Variants in GABRG3 observed in about 807,000 individuals in gnomAD.
GABRG3 encodes gamma-aminobutyric acid receptor subunit gamma-3.
Under a neutral mutation model 48.8 loss-of-function variants are expected in GABRG3, and 25 were observed. The observed-to-expected ratio is 0.51, with a 90% CI of 0.37 to 0.72. GABRG3 has a LOEUF of 0.72. GABRG3 is among the 30% of genes least tolerant of loss of function. The pLI, the probability that GABRG3 is intolerant of heterozygous loss-of-function variation, is 0.00. For synonymous variants in GABRG3, 227 were observed against 217.6 expected, an observed-to-expected ratio of 1.04 and a Z score of -0.38; for missense variants, 394 against 577.9, an observed-to-expected ratio of 0.68 and a Z score of 3.26.
chr15:27,384,879 GATTTAT>G (rs567752052), intron 5 of GABRG3, among the ~76,000 whole-genome samples: 7 of 151,850 alleles, frequency 4.6e-5, no homozygotes, highest in Non-Finnish European at 5.9e-5. Context: ...CACTTCTCTT[GATTTAT>G]ATTTATATTT....
intron 3 of GABRG3, among the ~76,000 whole-genome samples, chr15:27,128,756 A>G (rs1209338308): frequency 6.6e-6 from 1 of 152,220 alleles, no homozygotes; most frequent in Non-Finnish European, 1.5e-5. Context: ...CTCTGGCTCT[A>G]GACAAGTGAC....
chr15:27,299,563 C>T (rs571263454), intron 3 of GABRG3, among the ~76,000 whole-genome samples: 18 of 152,202 alleles, frequency 1.2e-4, no homozygotes, highest in South Asian at 2.1e-4. Flanking sequence ...GAGTTGGAAC[C>T]GAACACTCCT....
chr15:27,258,139 G>A (rs1232793177), intron 3 of GABRG3, among the ~76,000 whole-genome samples: 2 of 152,084 alleles, frequency 1.3e-5, no homozygotes, highest in African/African-American at 4.8e-5. Flanking sequence ...GGCATTGTAA[G>A]GGAAAATTGC....
At chr15:27,127,848 GC>G (rs1268627444) in intron 3 of GABRG3, among the ~76,000 whole-genome samples, 1 of 152,196 alleles carries the variant, frequency 6.6e-6, no homozygotes, top group Non-Finnish European at 1.5e-5. Flanking sequence ...CACACAGTCG[GC>G]AGTAAGAATA....
At chr15:27,343,547 C>G (rs1484264168) in intron 5 of GABRG3, among the ~76,000 whole-genome samples, 1 of 152,204 alleles carries the variant, frequency 6.6e-6, no homozygotes, top group East Asian at 1.9e-4. Flanking sequence ...ATGCTTCGAT[C>G]ACAGTAGGTG....
chr15:27,205,282 C>T (rs1030131830), intron 3 of GABRG3, among the ~76,000 whole-genome samples: 6 of 151,394 alleles, frequency 4.0e-5, no homozygotes, highest in African/African-American at 1.5e-4. Context: ...TTGAATTTTA[C>T]AGAAAGTTTT....
At chr15:27,277,368 C>T (rs1471050999) in intron 3 of GABRG3, among the ~76,000 whole-genome samples, 2 of 152,126 alleles carry the variant, frequency 1.3e-5, no homozygotes, top group Admixed American at 6.5e-5. Context: ...TTTACCTGCT[C>T]CCTAATAACT....
chr15:27,535,856 A>T lies in GABRG3; in HGVS notation c.*2975A>T, dbSNP rs925164693. 3.9e-5 allele frequency: 6 copies of T among 152,288 alleles called. No homozygotes were observed. Among genetic ancestry groups the T allele is most frequent in the Non-Finnish European group, 7.3e-5 (5 of 68,130 alleles). The allele number at this position is 152,288 out of a possible 1,614,324, so 9.4% of individuals were successfully genotyped here. ...AGCAGTGTGGGGAGAGTGGGAAGGAAGTACGCTTTCTTTCACTAAAGACTC... is the reference window on the plus strand; with the variant it reads ...AGCAGTGTGGGGAGAGTGGGAAGGATGTACGCTTTCTTTCACTAAAGACTC... On this transcript the variant is annotated 3_prime_UTR_variant, in exon 10 of 10. Transcript: ENST00000615808.
chr15:27,249,532 C>G (rs1201086131), intron 3 of GABRG3, among the ~76,000 whole-genome samples: 2 of 152,198 alleles, frequency 1.3e-5, no homozygotes, highest in Non-Finnish European at 2.9e-5. Flanking sequence ...GTTACGACAT[C>G]TGCTTCATAA....
At chr15:27,343,431 A>G (rs573125252) in intron 5 of GABRG3, among the ~76,000 whole-genome samples, 12 of 152,328 alleles carry the variant, frequency 7.9e-5, no homozygotes, top group African/African-American at 2.4e-4. Flanking sequence ...CTGTCAATGT[A>G]TTTTGGTTAT....
intron 3 of GABRG3, among the ~76,000 whole-genome samples, chr15:27,151,749 A>G (rs1898319567): frequency 6.6e-6 from 1 of 152,170 alleles, no homozygotes; most frequent in South Asian, 2.1e-4. Context: ...ACCCTGACTC[A>G]AGGACTGCAG....
At chr15:27,350,367 G>C (rs898986605) in intron 5 of GABRG3, 2 of 314,970 alleles carry the variant, frequency 6.3e-6, no homozygotes, top group Non-Finnish European at 1.3e-5. Flanking sequence ...AACACTGGGA[G>C]GAACCATTGA....
intron 3 of GABRG3, among the ~76,000 whole-genome samples, chr15:27,076,961 A>C (rs1263147730): frequency 2.0e-5 from 3 of 152,204 alleles, no homozygotes; most frequent in Non-Finnish European, 1.5e-5. Context: ...TATCTTCCTT[A>C]TGAAAAGTGA....
At chr15:27,237,586 G>C (rs1414829615) in intron 3 of GABRG3, among the ~76,000 whole-genome samples, 1 of 152,176 alleles carries the variant, frequency 6.6e-6, no homozygotes, top group East Asian at 1.9e-4. Flanking sequence ...AGTTAGGAAA[G>C]GTGACCACGG....
chr15:27,175,985 G>A (rs1887731516), intron 3 of GABRG3, among the ~76,000 whole-genome samples: 2 of 151,240 alleles, frequency 1.3e-5, no homozygotes, highest in Non-Finnish European at 2.9e-5. Flanking sequence ...AAAAGGCATA[G>A]GGCATCAAGC....
intron 3 of GABRG3, among the ~76,000 whole-genome samples, chr15:27,136,844 C>T (rs1898016971): frequency 1.3e-5 from 2 of 152,154 alleles, no homozygotes; most frequent in South Asian, 4.1e-4. Context: ...CCCCACCTCA[C>T]ATTTCTCCGA....
intron 2 of GABRG3, among the ~76,000 whole-genome samples, chr15:27,015,745 C>T (rs906494513): frequency 6.6e-6 from 1 of 151,918 alleles, no homozygotes; most frequent in Non-Finnish European, 1.5e-5. Context: ...TTTGTGTATA[C>T]TCTATAGATA....
intron 3 of GABRG3, among the ~76,000 whole-genome samples, chr15:27,166,599 G>A (rs881203): frequency 0.14 from 21,557 of 151,938 alleles, 1,713 homozygotes; most frequent in Admixed American, 0.23. Flanking sequence ...CCCATGACTC[G>A]CAGCCCACCC....
chr15:27,133,986 T>G (rs913554372), intron 3 of GABRG3, among the ~76,000 whole-genome samples: 1 of 152,224 alleles, frequency 6.6e-6, no homozygotes, highest in Non-Finnish European at 1.5e-5. Flanking sequence ...ATTTTACTTA[T>G]GAATCAAAGA....
Sources: gnomAD v4.1 joint callset for allele counts (sites outside exome capture counted in the v4.1 genomes callset) on GRCh38, gnomAD v4.1.1 for gene constraint, MANE v1.5 for transcripts, NCBI Gene and HGNC (gene_info 2026-07-23, HGNC 2026-07-21) for gene names.